Variants in MCTP1 observed in about 807,000 individuals in gnomAD.
The protein encoded by MCTP1 is multiple C2 and transmembrane domain containing 1.
MCTP1 carries 69 observed loss-of-function variants against 120.6 expected under a neutral mutation model. The observed-to-expected ratio is 0.57, with a 90% CI of 0.47 to 0.70. MCTP1 has a LOEUF of 0.70. MCTP1 is among the 30% of genes least tolerant of loss of function. MCTP1 has a pLI of 0.00. For missense variants in MCTP1, 1,203 were observed against 1,248.8 expected, an observed-to-expected ratio of 0.96 and a Z score of 0.55; for synonymous variants, 529 against 493.1, an observed-to-expected ratio of 1.07 and a Z score of -0.96.
intron 18 of MCTP1, among the ~76,000 whole-genome samples, chr5:94,794,325 T>C (rs1213663995): frequency 6.6e-6 from 1 of 152,264 alleles, no homozygotes; most frequent in Non-Finnish European, 1.5e-5. Context: ...TGATGGACTC[T>C]TCCCATGCTC....
At position 95,284,467 on chromosome 5, in the gene MCTP1, C is replaced by A. The variant is rs751200231; in HGVS notation, c.109G>T (p.Gly37Cys). Residue 37 changes from glycine to cysteine, a missense_variant, in exon 1 of 23, where the codon GGC becomes TGC. Around this residue, in one of 2 missense-constraint regions of MCTP1, gnomAD observed 463 missense variants for 377.8 expected, o/e 1.23. Coordinates refer to ENST00000515393, the MANE Select transcript of MCTP1 (RefSeq NM_024717.7). The surrounding 1 kb of genome is among the most constrained non-coding windows in gnomAD (Gnocchi z 5.2). The stretch of plus-strand genomic sequence containing the variant: ...CCCCCAGCGCGCCCGCCCCCGCCGC[C>A]CTTGCTCCTGCCCACCCCCAGCTGC... ...NLQLGVGRSK[G>C]GGGGRAGGPE... 26 of 1,515,496 alleles carry A rather than the reference C, an allele frequency of 1.7e-5. No homozygotes were observed. The highest frequency in any genetic ancestry group is 1.4e-4 in the Admixed American group (7 of 49,296). 93.9% of individuals were successfully genotyped at this position (1,515,496 alleles called of 1,614,324 possible).
At chr5:94,959,075 A>G (rs995645165) in intron 2 of MCTP1, among the ~76,000 whole-genome samples, 3 of 152,182 alleles carry the variant, frequency 2.0e-5, no homozygotes, top group African/African-American at 7.2e-5. Context: ...ATCCACCACA[A>G]TCAAGTCGGC....
At chr5:95,167,665 A>G (rs1382092832) in intron 1 of MCTP1, among the ~76,000 whole-genome samples, 1 of 152,190 alleles carries the variant, frequency 6.6e-6, no homozygotes, top group African/African-American at 2.4e-5. Context: ...GCCAGTGATG[A>G]TGAGCATTTT....
chr5:94,798,713 TAAG>T (rs998093992), intron 18 of MCTP1, among the ~76,000 whole-genome samples: 2 of 152,120 alleles, frequency 1.3e-5, no homozygotes, highest in Admixed American at 6.6e-5. Context: ...ATATAACAAA[TAAG>T]AAGAATAAAG....
intron 2 of MCTP1, among the ~76,000 whole-genome samples, chr5:95,010,217 T>C (rs534075484): frequency 6.6e-6 from 1 of 152,104 alleles, no homozygotes; most frequent in African/African-American, 2.4e-5. Flanking sequence ...CTTAAAACCT[T>C]AATAGTTATT....
intron 2 of MCTP1, among the ~76,000 whole-genome samples, chr5:94,965,499 G>A (rs1561938586): frequency 6.8e-6 from 1 of 146,648 alleles, no homozygotes; most frequent in Non-Finnish European, 1.5e-5. Flanking sequence ...AGAGCTCAGG[G>A]AAGTATTTTT....
At chr5:94,737,711 T>C (rs1764586948) in intron 19 of MCTP1, among the ~76,000 whole-genome samples, 1 of 151,884 alleles carries the variant, frequency 6.6e-6, no homozygotes, top group Non-Finnish European at 1.5e-5. Context: ...AATCTCACTC[T>C]GTAGCTCAAG....
In MCTP1 at chr5:95,104,171, AC is replaced by A. The variant is rs34696751; in HGVS notation, c.721-86688del. Among the ~76,000 whole-genome samples, 1,282 of 151,912 alleles carry A rather than the reference AC, an allele frequency of 8.4e-3. 18 individuals carry two copies. The highest frequency in any genetic ancestry group is 0.03 in the African/African-American group (1,240 of 41,374). The stretch of plus-strand genomic sequence containing the variant: ...TCATAAGCACGGCATATTTAGACTT[AC>A]CCCCCCTCCCAAGTTTCAGAAGTGA... On this transcript the variant is annotated intron_variant, in intron 1 of 22. Transcript: ENST00000515393.
chr5:95,284,252 C>G lies in MCTP1; in HGVS notation c.324G>C (p.Glu108Asp). Reference sequence around the variant, plus strand: ...GCTCGGCTCTGCCGGCGCCGCCGGGCTCCAGGGGCTCCGGCGACGAGCAGC... The same window carrying G: ...GCTCGGCTCTGCCGGCGCCGCCGGGGTCCAGGGGCTCCGGCGACGAGCAGC... ...NLCCSSPEPL[E>D]PGGAGRAEQG... Residue 108 changes from glutamate to aspartate, a missense_variant, in exon 1 of 23, where the codon GAG becomes GAC. Transcript: ENST00000515393. This position sits in a 1 kb window ranked among gnomAD's most constrained non-coding sequence, Gnocchi z 5.2. 6.3e-7 allele frequency: 1 copy of G among 1,589,832 alleles called. No individual in the cohort carries two copies. The highest frequency in any genetic ancestry group is 1.4e-5 in the African/African-American group (1 of 73,816).
In MCTP1 at chr5:94,867,359, A is replaced by G. The variant is rs866576005; in HGVS notation, c.2436+974T>C. The G allele has an allele frequency of 1.1e-5, 17 of 1,532,900 alleles. No individual in the cohort carries two copies. In the African/African-American group the frequency reaches 1.9e-4, roughly 17 times the overall value. 95.0% of individuals were successfully genotyped at this position (1,532,900 alleles called of 1,614,324 possible). The stretch of plus-strand genomic sequence containing the variant: ...CACTCTTTGTTCCATGTGCTCAGAC[A>G]TTAATGAAAGTCCCATACAAGGCCT... On this transcript the variant is annotated intron_variant, in intron 17 of 22. Transcript: ENST00000515393.
intron 19 of MCTP1, among the ~76,000 whole-genome samples, chr5:94,774,281 C>G (rs2152917998): frequency 7.3e-6 from 1 of 136,916 alleles, no homozygotes; most frequent in African/African-American, 2.7e-5. Context: ...AGGTTGTGTT[C>G]TGTGGCACAA....
chr5:94,871,208 C>T (rs1797792074), intron 14 of MCTP1, 107 bp downstream of exon 14: 1 of 772,858 alleles, frequency 1.3e-6, no homozygotes, highest in South Asian at 1.6e-5. Flanking sequence ...TTATTACAGA[C>T]CTTGGTTGAG....
rs551863236 is a variant in MCTP1, at chr5:94,990,710, G to A, written c.838+26657C>T. On this transcript the variant is annotated intron_variant, in intron 2 of 22. Coordinates refer to ENST00000515393, the MANE Select transcript of MCTP1 (RefSeq NM_024717.7). ...AGATTCTATCCACTCTGAAGGGGAG[G>A]GAATTATACAAAGACATGGATCATT... Among the ~76,000 whole-genome samples the A allele has an allele frequency of 2.0e-5, 3 of 152,230 alleles. No homozygotes were observed. The East Asian group carries it at 5.8e-4, about 29-fold the overall frequency.
At chr5:95,216,646 A>C (rs960121285) in intron 1 of MCTP1, among the ~76,000 whole-genome samples, 33 of 149,478 alleles carry the variant, frequency 2.2e-4, no homozygotes, top group African/African-American at 8.1e-4. Context: ...TAGCTATGGC[A>C]AGAGACATAA....
intron 15 of MCTP1, 146 bp from the exon 16 acceptor site, chr5:94,870,637 G>T: frequency 1.4e-6 from 1 of 692,156 alleles, no homozygotes; most frequent in East Asian, 2.6e-5. Context: ...AGTTGCACAT[G>T]CATGCGCTTC....
At chr5:95,227,268 C>T (rs1182011758) in intron 1 of MCTP1, among the ~76,000 whole-genome samples, 5 of 152,106 alleles carry the variant, frequency 3.3e-5, no homozygotes, top group African/African-American at 9.7e-5. Context: ...GAACAGACAT[C>T]GTGACTGTTT....
At chr5:94,884,157 AT>A (rs1800731414) in intron 12 of MCTP1, among the ~76,000 whole-genome samples, 2 of 152,192 alleles carry the variant, frequency 1.3e-5, no homozygotes, top group South Asian at 4.1e-4. Context: ...ATACAAATAA[AT>A]TTACTTTTAA....
chr5:94,756,480 G>A (rs559252537), intron 19 of MCTP1, among the ~76,000 whole-genome samples: 1 of 152,140 alleles, frequency 6.6e-6, no homozygotes, highest in Non-Finnish European at 1.5e-5. Context: ...TGCACTCAAC[G>A]AGGTGTCATC....
intron 3 of MCTP1, among the ~76,000 whole-genome samples, chr5:94,951,055 T>C (rs563271443): frequency 6.6e-6 from 1 of 152,170 alleles, no homozygotes; most frequent in South Asian, 2.1e-4. Flanking sequence ...AGGGTATCCA[T>C]CATCTGAATA....
Sources: allele counts gnomAD v4.1 joint callset (sites outside exome capture counted in the v4.1 genomes callset), GRCh38; gene constraint gnomAD v4.1.1; regional missense constraint gnomAD v4.1.1; non-coding constraint Gnocchi (gnomAD v3.1); transcripts MANE v1.5; gene names NCBI Gene and HGNC (gene_info 2026-07-23, HGNC 2026-07-21).